RER1: variants seen among roughly 807,000 people sequenced by gnomAD.
RER1 encodes retention in endoplasmic reticulum sorting receptor 1.
Under a neutral mutation model 28.3 loss-of-function variants are expected in RER1, and 6 were observed. The ratio of observed to expected loss-of-function variants is 0.21; its 90% CI spans 0.12 to 0.42. RER1 has a LOEUF of 0.42. Ranked by LOEUF, RER1 falls within the 10% of genes least tolerant of loss-of-function variation. The pLI, the probability that RER1 is intolerant of heterozygous loss-of-function variation, is 1.00. For missense variants in RER1, 159 were observed against 252.9 expected (o/e 0.63, Z 2.52); for synonymous variants, 110 against 95.9 (o/e 1.15, Z -0.86).
intron 2 of RER1, chr1:2,396,079 T>G: frequency 1.8e-6 from 1 of 571,132 alleles, no homozygotes; most frequent in Admixed American, 3.0e-5. Flanking sequence ...CTATCAAACA[T>G]ATGCGTTTTC....
intron 3 of RER1, among the ~76,000 whole-genome samples, chr1:2,398,550 G>C (rs1051887244): frequency 2.0e-5 from 3 of 152,040 alleles, no homozygotes; most frequent in Non-Finnish European, 4.4e-5. Context: ...CACCATGCCT[G>C]GCTAATTTTT....
Position 2,396,083 on chromosome 1 carries a change from C to G in RER1, c.81+212C>G, listed in dbSNP as rs141424749. 685 of 560,418 alleles carry G rather than the reference C, an allele frequency of 1.2e-3. 3 individuals are homozygous for G. Among genetic ancestry groups the G allele is most frequent in the African/African-American group, 0.012 (636 of 53,364 alleles). The allele number at this position is 560,418 out of a possible 1,614,324, so 34.7% of individuals were successfully genotyped here. On this transcript the variant is annotated intron_variant, in intron 2 of 6. Transcript: ENST00000605895. ...CCACACGTGGTCTATCAAACATATG[C>G]GTTTTCTGTTTCTGTTTTCCTTTTA...
At chr1:2,392,248 C>T (rs1366917080) in intron 1 of RER1, among the ~76,000 whole-genome samples, 1 of 152,116 alleles carries the variant, frequency 6.6e-6, no homozygotes, top group Non-Finnish European at 1.5e-5. Flanking sequence ...GCCCTCGAGC[C>T]ACCCGGGCCG....
intron 1 of RER1, chr1:2,394,927 G>A (rs555476330): frequency 4.6e-5 from 7 of 152,394 alleles, no homozygotes; most frequent in African/African-American, 1.4e-4. Flanking sequence ...ACCGAAGAGC[G>A]GCAGGTCCTG....
In RER1 at chr1:2,405,116, A is replaced by T. The variant is rs902628417; in HGVS notation, c.*1992A>T. 1 of 160,504 alleles carries T rather than the reference A, an allele frequency of 6.2e-6. No individual in the cohort carries two copies. Among genetic ancestry groups the T allele is most frequent in the Non-Finnish European group, 1.4e-5 (1 of 72,312 alleles). The allele number at this position is 160,504 out of a possible 1,614,324, so 9.9% of individuals were successfully genotyped here. A position where few individuals can be genotyped will look rare whatever the true frequency, so the allele number is the denominator to read the frequency against. On this transcript the variant is annotated 3_prime_UTR_variant, in exon 7 of 7. Coordinates refer to ENST00000605895, the MANE Select transcript of RER1 (RefSeq NM_007033.5). ...GCTGAGATGCAGATTTCTGTTTTCT[A>T]AAACTGGAAGCGACCTTGACGTGTA...
In RER1 at chr1:2,405,340, C is replaced by T. The variant is rs1180468139; in HGVS notation, c.*2216C>T. The T allele has an allele frequency of 5.9e-6, 2 of 337,408 alleles. No homozygotes were observed. The highest frequency in any genetic ancestry group is 1.2e-5 in the Non-Finnish European group (2 of 173,570). 20.9% of individuals were successfully genotyped at this position (337,408 alleles called of 1,614,324 possible). ...GCAACCCGCCAGCCTCCGTGCCCCACCCCACCCAGCACGCACTCATTCAGT... is the reference window on the plus strand; with the variant it reads ...GCAACCCGCCAGCCTCCGTGCCCCATCCCACCCAGCACGCACTCATTCAGT... On this transcript the variant is annotated 3_prime_UTR_variant, in exon 7 of 7. Coordinates refer to ENST00000605895, the MANE Select transcript of RER1 (RefSeq NM_007033.5).
In RER1 at chr1:2,403,121, C is replaced by G. The variant is rs1351010471; in HGVS notation, c.588C>G (p.Ser196Arg). 1 of 1,613,438 alleles carries G rather than the reference C, an allele frequency of 6.2e-7. No homozygotes were observed. The highest frequency in any genetic ancestry group is 1.3e-5 in the African/African-American group (1 of 74,924). Residue 196 changes from serine (S) to arginine (R), a missense_variant, in exon 7 of 7, where the codon AGC becomes AGG. Transcript: ENST00000605895. The part of the protein sequence containing the change: ...GKEDAGKAFA[S>R] Reference sequence around the variant, plus strand: ...AGGATGCCGGCAAGGCCTTCGCCAGCTAGAAGCGGGACTGAGGCTGCCTCA... The same window carrying G: ...AGGATGCCGGCAAGGCCTTCGCCAGGTAGAAGCGGGACTGAGGCTGCCTCA...
At chr1:2,395,391 A>G in intron 1 of RER1, 1 of 260,032 alleles carries the variant, frequency 3.8e-6, no homozygotes, top group East Asian at 9.2e-5. Context: ...GGGCGGGGGA[A>G]CCCTGAGGGA....
Position 2,395,778 on chromosome 1 carries a change from T to C in RER1, c.-7-6T>C. On this transcript the variant is annotated splice_polypyrimidine_tract_variant and splice_region_variant and intron_variant, in intron 1 of 6. Coordinates refer to ENST00000605895, the MANE Select transcript of RER1 (RefSeq NM_007033.5). ...TACTGAAAAGTATTTTGTGTTTTTC[T>C]CCCAGTTACAGAATGTCTGAAGGGG... is the stretch of plus-strand genomic sequence containing the variant. 1 of 1,604,956 alleles carries C rather than the reference T, an allele frequency of 6.2e-7. No individual in the cohort carries two copies. Among genetic ancestry groups the C allele is most frequent in the Non-Finnish European group, 8.5e-7 (1 of 1,171,664 alleles).
chr1:2,400,329 T>C (rs1308440119), intron 4 of RER1, among the ~76,000 whole-genome samples: 1 of 152,248 alleles, frequency 6.6e-6, no homozygotes, highest in Admixed American at 6.5e-5. Context: ...CTCTCTGTTG[T>C]TGCTGTTTGG....
chr1:2,397,301 G>A, intron 3 of RER1, 81 bp downstream of exon 3: 1 of 928,754 alleles, frequency 1.1e-6, no homozygotes, highest in African/African-American at 1.6e-5. Context: ...TGTTGATCCA[G>A]TCTGTCTTGC....
At chr1:2,398,553 TA>T (rs1420149295) in intron 3 of RER1, among the ~76,000 whole-genome samples, 2 of 152,046 alleles carry the variant, frequency 1.3e-5, no homozygotes, top group African/African-American at 4.8e-5. Flanking sequence ...CATGCCTGGC[TA>T]ATTTTTGTAT....
chr1:2,399,543 G>A, intron 4 of RER1, 29 bp downstream of exon 4: 1 of 1,434,390 alleles, frequency 7.0e-7, no homozygotes, highest in Non-Finnish European at 9.8e-7. Flanking sequence ...ACTGGGCTGT[G>A]TGGGCAGGTT....
intron 2 of RER1, 100 bp from the exon 3 acceptor site, chr1:2,397,016 A>G: frequency 1.4e-6 from 1 of 701,926 alleles, no homozygotes. Flanking sequence ...TAGCTGTTTT[A>G]AAAATTGAAA....
chr1:2,393,470 C>G (rs1422633606), intron 1 of RER1, among the ~76,000 whole-genome samples: 2 of 152,190 alleles, frequency 1.3e-5, no homozygotes, highest in Admixed American at 6.5e-5. Flanking sequence ...TCAAACTGAG[C>G]AGAGAAGAGG....
chr1:2,402,400 A>G, intron 6 of RER1, 58 bp downstream of exon 6: 1 of 1,609,324 alleles, frequency 6.2e-7, no homozygotes, highest in Non-Finnish European at 8.5e-7. Context: ...TACCCGCAGC[A>G]TTGGGGGAGC....
chr1:2,395,742 TG>T, intron 1 of RER1, 41 bp from the exon 2 acceptor site: 2 of 1,411,998 alleles, frequency 1.4e-6, no homozygotes, highest in Non-Finnish European at 2.0e-6. Context: ...TTCACACCCG[TG>T]AATGCTTTTT....
chr1:2,402,742 T>C (rs566206445), intron 6 of RER1, among the ~76,000 whole-genome samples: 1 of 152,290 alleles, frequency 6.6e-6, no homozygotes, highest in African/African-American at 2.4e-5. Context: ...CGGGCCTCAC[T>C]CTGTGCCCGG....
Position 2,403,076 on chromosome 1 carries a change from G to A in RER1, c.543G>A (p.Lys181=). The A allele has an allele frequency of 6.2e-7, 1 of 1,614,206 alleles. No homozygotes were observed. Residue 181 remains lysine, a synonymous_variant, in exon 7 of 7, where the codon AAG becomes AAA. Coordinates refer to ENST00000605895, the MANE Select transcript of RER1 (RefSeq NM_007033.5). The stretch of plus-strand genomic sequence containing the variant: ...GGTACATCCCGTTCACACATGGGAA[G>A]AGAAGGTACAGAGGCAAGGAGGATG... ...KYRYIPFTHG[K]RRYRGKEDAG...
Sources: gnomAD v4.1 joint callset for allele counts (sites outside exome capture counted in the v4.1 genomes callset) on GRCh38, gnomAD v4.1.1 for gene constraint, MANE v1.5 for transcripts, NCBI Gene and HGNC (gene_info 2026-07-23, HGNC 2026-07-21) for gene names.